PABPC4L: variants seen among roughly 807,000 people sequenced by gnomAD.
The protein encoded by PABPC4L is polyadenylate-binding protein 4-like.
For synonymous variants in PABPC4L, 169 were observed against 164.1 expected (o/e 1.03, Z -0.23); for missense variants, 452 against 451.4 (o/e 1.00, Z -0.01).
the PABPC4L span, among the ~76,000 whole-genome samples, chr4:134,098,714 T>C: frequency 6.6e-6 from 1 of 151,632 alleles, no homozygotes; most frequent in South Asian, 2.1e-4. Flanking sequence ...ATAGAAATGC[T>C]AGTCAGACTA....
the PABPC4L span, among the ~76,000 whole-genome samples, chr4:134,074,043 T>A: frequency 1.3e-5 from 2 of 152,202 alleles, no homozygotes; most frequent in Non-Finnish European, 2.9e-5. Context: ...TGATTAACAA[T>A]TGACTCCTCA....
chr4:134,013,171 C>A, the PABPC4L span, among the ~76,000 whole-genome samples: 1 of 151,826 alleles, frequency 6.6e-6, no homozygotes, highest in Non-Finnish European at 1.5e-5. Flanking sequence ...GGCAAGAACA[C>A]CTCAACCCCT....
the PABPC4L span, among the ~76,000 whole-genome samples, chr4:134,066,058 C>A: frequency 3.3e-5 from 5 of 151,986 alleles, no homozygotes; most frequent in African/African-American, 1.2e-4. Context: ...CAGTTTTGTT[C>A]TTTTTGCTAG....
chr4:134,038,360 T>A, the PABPC4L span, among the ~76,000 whole-genome samples: 1 of 152,174 alleles, frequency 6.6e-6, no homozygotes, highest in Admixed American at 6.6e-5. Context: ...GAGGATTCCC[T>A]CTTTTTCTAT....
At chr4:134,048,487 C>T in the PABPC4L span, among the ~76,000 whole-genome samples, 4 of 152,106 alleles carry the variant, frequency 2.6e-5, no homozygotes, top group Non-Finnish European at 5.9e-5. Flanking sequence ...AATTACTGAG[C>T]TTATGCCTTT....
chr4:134,183,655 G>A, the PABPC4L span, among the ~76,000 whole-genome samples: 292 of 151,922 alleles, frequency 1.9e-3, 3 homozygotes, highest in Admixed American at 4.5e-3. Flanking sequence ...AGAAGTAAAT[G>A]TGTTTCCATA....
chr4:133,996,790 C>A, the PABPC4L span, among the ~76,000 whole-genome samples: 1 of 152,088 alleles, frequency 6.6e-6, no homozygotes, highest in Admixed American at 6.5e-5. Flanking sequence ...GCAGCTACCC[C>A]CATAAGTACA....
At chr4:133,974,502 A>AG in the PABPC4L span, among the ~76,000 whole-genome samples, 183 of 152,244 alleles carry the variant, frequency 1.2e-3, no homozygotes, top group African/African-American at 4.3e-3. Flanking sequence ...TGAAAAGAAA[A>AG]GAAAAAAAAC....
chr4:134,167,615 C>A, the PABPC4L span, among the ~76,000 whole-genome samples: 1 of 151,214 alleles, frequency 6.6e-6, no homozygotes. Flanking sequence ...AAAGGAAAAT[C>A]TAAAAAGAGC....
chr4:134,029,323 C>A, the PABPC4L span, among the ~76,000 whole-genome samples: 1 of 151,940 alleles, frequency 6.6e-6, no homozygotes, highest in Non-Finnish European at 1.5e-5. Context: ...GCCAAGGTGA[C>A]CTTTGTGCTT....
the PABPC4L span, among the ~76,000 whole-genome samples, chr4:134,134,876 GA>G: frequency 4.6e-5 from 7 of 151,844 alleles, no homozygotes; most frequent in Admixed American, 4.6e-4. Flanking sequence ...TAAATTTACT[GA>G]GAACCCAGTA....
At chr4:133,951,801 G>T in the PABPC4L span, among the ~76,000 whole-genome samples, 1 of 152,092 alleles carries the variant, frequency 6.6e-6, no homozygotes, top group South Asian at 2.1e-4. Flanking sequence ...GAAGGGTCAG[G>T]TTCCCCTTCT....
the PABPC4L span, among the ~76,000 whole-genome samples, chr4:133,989,992 T>C: frequency 1.3e-5 from 2 of 151,956 alleles, no homozygotes; most frequent in South Asian, 2.1e-4. Flanking sequence ...CATAACTCAC[T>C]CACTATTATG....
chr4:133,986,057 ATATT>A, the PABPC4L span, among the ~76,000 whole-genome samples: 1 of 152,068 alleles, frequency 6.6e-6, no homozygotes, highest in Non-Finnish European at 1.5e-5. Context: ...TCATTATTAA[ATATT>A]TATTAGTCAC....
the PABPC4L span, among the ~76,000 whole-genome samples, chr4:134,042,357 G>A: frequency 2.0e-5 from 3 of 152,066 alleles, no homozygotes; most frequent in African/African-American, 7.2e-5. Flanking sequence ...CACTACTCAG[G>A]TGATGGGTGC....
the PABPC4L span, among the ~76,000 whole-genome samples, chr4:134,073,806 C>A: frequency 2.6e-5 from 4 of 152,170 alleles, no homozygotes; most frequent in African/African-American, 9.7e-5. Flanking sequence ...GAATTTGCAC[C>A]CTCTGAAGCA....
At chr4:134,063,859 T>A in the PABPC4L span, among the ~76,000 whole-genome samples, 2 of 151,980 alleles carry the variant, frequency 1.3e-5, no homozygotes, top group African/African-American at 4.8e-5. Context: ...GAAATAAAAG[T>A]TTCTCTGACA....
At chr4:134,103,911 G>A in the PABPC4L span, among the ~76,000 whole-genome samples, 1 of 151,568 alleles carries the variant, frequency 6.6e-6, no homozygotes, top group African/African-American at 2.4e-5. Context: ...TCTATGAGCT[G>A]CTTTTTAATC....
the PABPC4L span, among the ~76,000 whole-genome samples, chr4:134,144,158 T>A: frequency 2.6e-5 from 4 of 151,580 alleles, no homozygotes; most frequent in African/African-American, 9.7e-5. Flanking sequence ...AAGATCACTA[T>A]GAAATTCTCC....
Sources: allele counts gnomAD v4.1 joint callset (sites outside exome capture counted in the v4.1 genomes callset), GRCh38; gene constraint gnomAD v4.1.1; transcripts MANE v1.5; gene names NCBI Gene and HGNC (gene_info 2026-07-23, HGNC 2026-07-21).